CDCA7L: variants seen among roughly 807,000 people sequenced by gnomAD.
CDCA7L encodes the protein cell division cycle-associated 7-like protein.
CDCA7L carries 44 observed loss-of-function variants against 57.4 expected under a neutral mutation model. The ratio of observed to expected loss-of-function variants is 0.77; its 90% CI spans 0.60 to 0.98. The LOEUF (loss-of-function observed/expected upper bound fraction) is 0.98. Among genes scored for constraint, CDCA7L ranks in the 50% least tolerant of loss-of-function variants. The pLI is 0.00. For synonymous variants in CDCA7L, 236 were observed against 202.8 expected (o/e 1.16, Z -1.39); for missense variants, 644 against 580.6 (o/e 1.11, Z -1.12).
intron 1 of CDCA7L, among the ~76,000 whole-genome samples, chr7:21,940,505 A>AG: frequency 6.6e-6 from 1 of 152,340 alleles, no homozygotes; most frequent in Middle Eastern, 3.4e-3. Context: ...CGTAAGTGGT[A>AG]GGGTAAGAGA....
At chr7:21,927,873 T>G (rs1332230000) in intron 1 of CDCA7L, among the ~76,000 whole-genome samples, 1 of 152,240 alleles carries the variant, frequency 6.6e-6, no homozygotes, top group Admixed American at 6.5e-5. Context: ...GGGAAAGGCG[T>G]GGCTGTGGGC....
chr7:21,921,692 C>A, intron 1 of CDCA7L, among the ~76,000 whole-genome samples: 2 of 141,900 alleles, frequency 1.4e-5, no homozygotes, highest in African/African-American at 5.3e-5. Flanking sequence ...CTGAAAACAA[C>A]AAAAATACAA....
At chr7:21,904,039 C>T in intron 8 of CDCA7L, 71 bp downstream of exon 8, 1 of 1,428,876 alleles carries the variant, frequency 7.0e-7, no homozygotes, top group African/African-American at 1.4e-5. Flanking sequence ...AGTGAGAACC[C>T]AGGAGGCCCA....
Position 21,901,174 on chromosome 7 carries a change from A to C in CDCA7L, c.*1148T>G, listed in dbSNP as rs1784806244. On this transcript the variant is annotated 3_prime_UTR_variant, in exon 10 of 10. Transcript: ENST00000406877. ...AACCAAACTGAGAGGCCCCAGCTAC[A>C]TCTGGACCTTCAGGCTGAAGAGCGA... The C allele has an allele frequency of 1.2e-6, 2 of 1,610,492 alleles. No homozygotes were observed. Among genetic ancestry groups the C allele is most frequent in the Non-Finnish European group, 1.7e-6 (2 of 1,177,218 alleles).
chr7:21,928,122 A>G (rs1785883538), intron 1 of CDCA7L, among the ~76,000 whole-genome samples: 2 of 152,212 alleles, frequency 1.3e-5, no homozygotes, highest in Admixed American at 1.3e-4. Flanking sequence ...GGAAGAAAAC[A>G]GGCAGCAATC....
intron 1 of CDCA7L, among the ~76,000 whole-genome samples, chr7:21,939,051 C>A (rs1786262259): frequency 6.6e-6 from 1 of 152,028 alleles, no homozygotes; most frequent in Admixed American, 6.5e-5. Flanking sequence ...CATACTATAA[C>A]ATGGATAAAC....
intron 8 of CDCA7L, 106 bp downstream of exon 8, chr7:21,904,004 A>G: frequency 9.2e-7 from 1 of 1,085,848 alleles, no homozygotes; most frequent in Non-Finnish European, 1.2e-6. Context: ...GGGAAAAACC[A>G]GAGTTCTGGA....
rs1403534329 is a variant in CDCA7L at position 21,901,809 on chromosome 7, T to TTTAA, written c.*509_*512dup. The TTTAA allele has an allele frequency of 1.5e-3, 246 of 164,710 alleles. No individual in the cohort carries two copies. The highest frequency in any genetic ancestry group is 5.5e-3 in the African/African-American group (230 of 41,706). The allele number at this position is 164,710 out of a possible 1,614,324, so 10.2% of individuals were successfully genotyped here. A position where few individuals can be genotyped will look rare whatever the true frequency, so the allele number is the denominator to read the frequency against. On this transcript the variant is annotated 3_prime_UTR_variant, in exon 10 of 10. Transcript: ENST00000406877. ...ATGGTCCCCTTTTGTTCAGTCAAGTTTTAATAAAAATAAAACTGTTCTACA... is the reference window on the plus strand; with the variant it reads ...ATGGTCCCCTTTTGTTCAGTCAAGTTTTAATTAATAAAAATAAAACTGTTCTACA...
chr7:21,906,887 A>C (rs1329960163), intron 4 of CDCA7L, among the ~76,000 whole-genome samples: 1 of 152,162 alleles, frequency 6.6e-6, no homozygotes, highest in East Asian at 1.9e-4. Context: ...ACACAACACT[A>C]TGAAAACAGT....
rs142619820 is a variant in CDCA7L at position 21,901,920 on chromosome 7, G to A, written c.*402C>T. ...GTGGTCTATTAAACTGTGGTCACTC[G>A]TGCTAAGGCACACTTGGCCTGGAGT... On this transcript the variant is annotated 3_prime_UTR_variant, in exon 10 of 10. Transcript: ENST00000406877. 23 of 229,430 alleles carry A rather than the reference G, an allele frequency of 1.0e-4. No homozygotes were observed. The highest frequency in any genetic ancestry group is 3.2e-4 in the South Asian group (4 of 12,474). 14.2% of individuals were successfully genotyped at this position (229,430 alleles called of 1,614,324 possible).
At chr7:21,916,267 C>T (rs992552035) in intron 2 of CDCA7L, among the ~76,000 whole-genome samples, 2 of 152,132 alleles carry the variant, frequency 1.3e-5, no homozygotes, top group African/African-American at 4.8e-5. Context: ...AGAACTCTAA[C>T]TTGTGAGTGC....
chr7:21,910,655 G>A (rs904437138), intron 3 of CDCA7L, among the ~76,000 whole-genome samples: 3 of 152,204 alleles, frequency 2.0e-5, no homozygotes, highest in Admixed American at 1.3e-4. Flanking sequence ...ACTTAAATCC[G>A]AAGGCTGTGC....
At chr7:21,940,298 C>A (rs981606655) in intron 1 of CDCA7L, 1 of 985,136 alleles carries the variant, frequency 1.0e-6, no homozygotes, top group Non-Finnish European at 1.2e-6. Context: ...GACTTCCAAA[C>A]TATGCCTGCG....
chr7:21,909,284 CTT>C (rs1315970866), intron 3 of CDCA7L, among the ~76,000 whole-genome samples: 1 of 152,130 alleles, frequency 6.6e-6, no homozygotes, highest in African/African-American at 2.4e-5. Flanking sequence ...TGACGGGACT[CTT>C]AGCAGTGGTA....
intron 6 of CDCA7L, 140 bp downstream of exon 6, chr7:21,906,149 G>A (rs1206787474): frequency 1.3e-6 from 1 of 756,388 alleles, no homozygotes; most frequent in East Asian, 2.6e-5. Flanking sequence ...CATCACCTGG[G>A]AAGCAGAGAG....
chr7:21,920,008 C>G (rs2128063199), intron 1 of CDCA7L, among the ~76,000 whole-genome samples: 1 of 152,294 alleles, frequency 6.6e-6, no homozygotes, highest in East Asian at 1.9e-4. Context: ...ATAATTTTTA[C>G]TGTTTCATCA....
At chr7:21,930,309 T>C (rs181745555) in intron 1 of CDCA7L, among the ~76,000 whole-genome samples, 9 of 152,226 alleles carry the variant, frequency 5.9e-5, no homozygotes, top group Non-Finnish European at 1.2e-4. Context: ...GGGACACAGC[T>C]AAAGCAGTGT....
Position 21,945,787 on chromosome 7 carries a change from G to T in CDCA7L, c.18C>A (p.Arg6=), listed in dbSNP as rs1786506436. 1 of 1,600,490 alleles carries T rather than the reference G, an allele frequency of 6.2e-7. No homozygotes were observed. The highest frequency in any genetic ancestry group is 1.4e-5 in the African/African-American group (1 of 73,082). The stretch of plus-strand genomic sequence containing the variant: ...CGGGCGGCCGGACCCTCACCTGGTA[G>T]CGAGTCGCCAACTCCATTCTTCCTA... The part of the protein sequence containing the change: MELAT[R]YQIPKEVADI... Residue 6 remains arginine, a synonymous_variant, in exon 1 of 10, where the codon CGC becomes CGA. Transcript: ENST00000406877.
At position 21,942,914 on chromosome 7, in the gene CDCA7L, C is replaced by T. The variant is rs375714958; in HGVS notation, c.24+2867G>A. ...GCACTTTGCAGCTAAGAGACCAATACCAGAAAAATACCCCTTTACCCCTTC... is the reference window on the plus strand; with the variant it reads ...GCACTTTGCAGCTAAGAGACCAATATCAGAAAAATACCCCTTTACCCCTTC... On this transcript the variant is annotated intron_variant, in intron 1 of 9. Coordinates refer to ENST00000406877, the MANE Select transcript of CDCA7L (RefSeq NM_018719.5). Among the ~76,000 whole-genome samples, 4 of 152,164 alleles carry T rather than the reference C, an allele frequency of 2.6e-5. No homozygotes were observed. The South Asian group carries it at 8.3e-4, about 31-fold the overall frequency.
Sources: allele counts gnomAD v4.1 joint callset (sites outside exome capture counted in the v4.1 genomes callset), GRCh38; gene constraint gnomAD v4.1.1; transcripts MANE v1.5; gene names NCBI Gene and HGNC (gene_info 2026-07-23, HGNC 2026-07-21).